NDUFC1: variants seen among roughly 807,000 people sequenced by gnomAD.
NDUFC1 encodes the protein NADH:ubiquinone oxidoreductase subunit C1, also known as NADH dehydrogenase [ubiquinone] 1 subunit C1, mitochondrial.
A neutral mutation model predicts 11.6 loss-of-function variants in NDUFC1; 11 were observed. The observed-to-expected ratio is 0.95, with a 90% CI of 0.60 to 1.58. NDUFC1 has a LOEUF of 1.58. NDUFC1 is among the 40% of genes most tolerant of loss of function. The probability of loss-of-function intolerance (pLI) is 0.00; values close to 1 mark genes in which losing one functional copy is unlikely to be tolerated. For missense variants in NDUFC1, 112 were observed against 93.0 expected (o/e 1.20, Z -0.84); for synonymous variants, 52 against 42.2 (o/e 1.23, Z -0.90).
At chr4:139,301,523 G>C in intron 1 of NDUFC1, 2 of 548,778 alleles carry the variant, frequency 3.6e-6, no homozygotes, top group Non-Finnish European at 3.2e-6. Flanking sequence ...CTGTCGGTCT[G>C]TTCAGTTACC....
intron 4 of NDUFC1, among the ~76,000 whole-genome samples, chr4:139,293,273 C>T (rs1255645002): frequency 6.6e-6 from 1 of 152,164 alleles, no homozygotes; most frequent in African/African-American, 2.4e-5. Flanking sequence ...GCGTGTTATG[C>T]TTCTAATCTT....
intron 2 of NDUFC1, among the ~76,000 whole-genome samples, chr4:139,296,591 C>T (rs764217721): frequency 9.2e-5 from 14 of 152,194 alleles, no homozygotes; most frequent in Non-Finnish European, 1.3e-4. Context: ...CCTCTCTATA[C>T]CTAAGTTTTA....
chr4:139,301,996 T>A (rs2110802281), intron 1 of NDUFC1: 1 of 667,640 alleles, frequency 1.5e-6, no homozygotes, highest in East Asian at 3.3e-5. Context: ...CTGTGGTTCC[T>A]ACTATGGCCC....
intron 4 of NDUFC1, among the ~76,000 whole-genome samples, chr4:139,294,191 C>G (rs1745355746): frequency 1.3e-5 from 2 of 151,782 alleles, no homozygotes; most frequent in African/African-American, 4.8e-5. Flanking sequence ...GATCCGCCCA[C>G]CTTGGCCTCC....
chr4:139,291,865 C>T (rs1434345533), intron 5 of NDUFC1, among the ~76,000 whole-genome samples: 2 of 149,750 alleles, frequency 1.3e-5, no homozygotes, highest in African/African-American at 4.9e-5. Flanking sequence ...GAGAAGGAGT[C>T]TCACTCTGTC....
chr4:139,295,229 A>G, intron 3 of NDUFC1, 83 bp from the exon 4 acceptor site: 1 of 1,054,226 alleles, frequency 9.5e-7, no homozygotes, highest in South Asian at 1.3e-5. Flanking sequence ...GTATTATCGC[A>G]TTTAATTCTC....
intron 5 of NDUFC1, among the ~76,000 whole-genome samples, chr4:139,291,982 G>A (rs930345395): frequency 2.0e-5 from 3 of 151,422 alleles, no homozygotes; most frequent in East Asian, 2.0e-4. Flanking sequence ...GACTACAGGC[G>A]CCCGCCACAA....
In NDUFC1 at chr4:139,295,910, G is replaced by T; in HGVS notation, c.-112C>A. ...AGCAGAGCTCCGTGGGGGCGTCAAC[G>T]TGAATTCCAGCACGGCAAGGTTCTC... is the stretch of plus-strand genomic sequence containing the variant. On this transcript the variant is annotated 5_prime_UTR_variant, in exon 3 of 6. Transcript: ENST00000394223. 9.2e-7 allele frequency: 1 copy of T among 1,089,138 alleles called. No homozygotes were observed. The highest frequency in any genetic ancestry group is 2.0e-4 in the Middle Eastern group (1 of 5,060). 67.5% of individuals were successfully genotyped at this position (1,089,138 alleles called of 1,614,324 possible).
intron 4 of NDUFC1, among the ~76,000 whole-genome samples, chr4:139,293,873 C>T (rs1479747597): frequency 1.3e-5 from 2 of 150,942 alleles, no homozygotes; most frequent in Non-Finnish European, 2.9e-5. Flanking sequence ...TAGTAGGTGC[C>T]ACGTAGTGTT....
rs757909174 is a variant in NDUFC1 at position 139,292,622 on chromosome 4, A to C, written c.172-13T>G. The C allele has an allele frequency of 1.3e-6, 2 of 1,481,944 alleles. No homozygotes were observed. The highest frequency in any genetic ancestry group is 9.3e-7 in the Non-Finnish European group (1 of 1,077,996). 91.8% of individuals were successfully genotyped at this position (1,481,944 alleles called of 1,614,324 possible). The stretch of plus-strand genomic sequence containing the variant: ...GTTGTTTGATGAGCTACAAAGAGTT[A>C]AACAGTTAAAATTAGAAATGTAATC... On this transcript the variant is annotated splice_polypyrimidine_tract_variant and intron_variant, in intron 4 of 5. Coordinates refer to ENST00000394223, the MANE Select transcript of NDUFC1 (RefSeq NM_001184989.2).
chr4:139,292,501 C>A, intron 5 of NDUFC1, 29 bp downstream of exon 5: 1 of 1,087,006 alleles, frequency 9.2e-7, no homozygotes, highest in South Asian at 1.6e-5. Flanking sequence ...TTTGCATAAT[C>A]TATTCATCCA....
At chr4:139,299,881 ATTCTT>A (rs1251049942) in intron 1 of NDUFC1, among the ~76,000 whole-genome samples, 2 of 152,252 alleles carry the variant, frequency 1.3e-5, no homozygotes, top group African/African-American at 2.4e-5. Context: ...AAAATAGAAT[ATTCTT>A]TACAGGAGAA....
chr4:139,291,605 A>G (rs1211818668), intron 5 of NDUFC1, among the ~76,000 whole-genome samples: 1 of 152,108 alleles, frequency 6.6e-6, no homozygotes, highest in African/African-American at 2.4e-5. Context: ...GCCGTTATAC[A>G]TTCATCACTT....
chr4:139,294,734 CAAA>C (rs34462002), intron 4 of NDUFC1, among the ~76,000 whole-genome samples: 7 of 91,634 alleles, frequency 7.6e-5, no homozygotes, highest in Admixed American at 1.3e-4. Context: ...GACTCCATCT[CAAA>C]AAAAAAAAAA....
At chr4:139,291,446 G>C (rs562169450) in intron 5 of NDUFC1, among the ~76,000 whole-genome samples, 1 of 151,918 alleles carries the variant, frequency 6.6e-6, no homozygotes. Flanking sequence ...GTGGTAGCGC[G>C]CACCTGTAGT....
chr4:139,302,512 G>A (rs1745832087), upstream of NDUFC1: 1 of 152,178 alleles, frequency 6.6e-6, no homozygotes, highest in Non-Finnish European at 1.5e-5. Context: ...CTTAGTTTCC[G>A]AGCGGGAAAC....
At position 139,295,125 on chromosome 4, in the gene NDUFC1, T is replaced by A; in HGVS notation, c.89A>T (p.Tyr30Phe). Reference protein sequence around the residue: ...PSGPSVRSKFYVREPPNAKPD... With the variant: ...PSGPSVRSKFFVREPPNAKPD... Reference sequence around the variant, plus strand: ...TTTGGCATTCGGCGGCTCTCGCACGTAGAACTTTGATCGCACTGAAGCTGA... The same window carrying A: ...TTTGGCATTCGGCGGCTCTCGCACGAAGAACTTTGATCGCACTGAAGCTGA... The change falls in exon 4 of 6, where the codon TAC becomes TTC. Residue 30 changes from tyrosine (Y) to phenylalanine (F), a missense_variant. Tyr to Phe is a conservative substitution (Grantham distance 22). Transcript: ENST00000394223. 1 of 1,614,152 alleles carries A rather than the reference T, an allele frequency of 6.2e-7. No homozygotes were observed.
intron 1 of NDUFC1, chr4:139,301,860 G>T: frequency 6.3e-7 from 1 of 1,575,340 alleles, no homozygotes; most frequent in East Asian, 2.4e-5. Context: ...GCAAGCGGTG[G>T]GGAGGATTTA....
At chr4:139,300,094 C>G (rs903331348) in intron 1 of NDUFC1, among the ~76,000 whole-genome samples, 1 of 152,160 alleles carries the variant, frequency 6.6e-6, no homozygotes, top group African/African-American at 2.4e-5. Flanking sequence ...TACTAAGTAA[C>G]AGCTTAAAAA....
Sources: gnomAD v4.1 joint callset for allele counts (sites outside exome capture counted in the v4.1 genomes callset) on GRCh38, gnomAD v4.1.1 for gene constraint, MANE v1.5 for transcripts, NCBI Gene and HGNC (gene_info 2026-07-23, HGNC 2026-07-21) for gene names.